Variants in ADCY8 observed in about 807,000 individuals in gnomAD.
ADCY8 encodes adenylate cyclase type 8.
Under a neutral mutation model 119.7 loss-of-function variants are expected in ADCY8, and 51 were observed. The ratio of observed to expected loss-of-function variants is 0.43; its 90% CI spans 0.34 to 0.54. ADCY8 has a LOEUF of 0.54. ADCY8 is among the 20% of genes least tolerant of loss of function. ADCY8 has a pLI of 0.03. For synonymous variants in ADCY8, 665 were observed against 651.0 expected (o/e 1.02, Z -0.33); for missense variants, 1,383 against 1,598.8 (o/e 0.87, Z 2.30).
At chr8:130,907,922 G>A (rs1243552818) in intron 6 of ADCY8, among the ~76,000 whole-genome samples, 1 of 152,110 alleles carries the variant, frequency 6.6e-6, no homozygotes, top group Non-Finnish European at 1.5e-5. Flanking sequence ...GCAGGCCCCA[G>A]TGTCTATTCT....
At chr8:130,983,754 G>C (rs1822310775) in intron 2 of ADCY8, among the ~76,000 whole-genome samples, 1 of 152,156 alleles carries the variant, frequency 6.6e-6, no homozygotes, top group African/African-American at 2.4e-5. Flanking sequence ...ATCCTGACAG[G>C]TGTAATACTC....
intron 1 of ADCY8, among the ~76,000 whole-genome samples, chr8:131,000,696 C>T (rs910566873): frequency 5.3e-5 from 8 of 152,094 alleles, no homozygotes; most frequent in African/African-American, 1.9e-4. Context: ...CTGTGCTCAC[C>T]AACCCCATGG....
chr8:130,791,752 T>A (rs1815432413), intron 15 of ADCY8, among the ~76,000 whole-genome samples: 1 of 152,142 alleles, frequency 6.6e-6, no homozygotes, highest in Non-Finnish European at 1.5e-5. Flanking sequence ...GGGGAGGAAC[T>A]CTCAGTGCTC....
At chr8:130,919,740 C>A (rs1422908690) in intron 5 of ADCY8, among the ~76,000 whole-genome samples, 6 of 152,138 alleles carry the variant, frequency 3.9e-5, no homozygotes. Flanking sequence ...CTCCTAGGGG[C>A]AGCTGAGACC....
intron 8 of ADCY8, among the ~76,000 whole-genome samples, chr8:130,871,807 C>T (rs1818368898): frequency 6.6e-6 from 1 of 152,112 alleles, no homozygotes; most frequent in Non-Finnish European, 1.5e-5. Context: ...CATTATTCCC[C>T]TTGCTTCTTG....
intron 2 of ADCY8, among the ~76,000 whole-genome samples, chr8:130,953,319 T>A (rs1821331271): frequency 6.6e-6 from 1 of 152,242 alleles, no homozygotes; most frequent in African/African-American, 2.4e-5. Context: ...GTTCTAATCA[T>A]CACAGTTCCT....
intron 2 of ADCY8, among the ~76,000 whole-genome samples, chr8:130,968,093 T>A (rs933429616): frequency 6.6e-6 from 1 of 152,034 alleles, no homozygotes; most frequent in Non-Finnish European, 1.5e-5. Context: ...AAGAGTGGTC[T>A]GTACTAGATG....
chr8:130,817,833 T>C (rs1427163133), intron 13 of ADCY8, among the ~76,000 whole-genome samples: 2 of 152,354 alleles, frequency 1.3e-5, no homozygotes, highest in East Asian at 1.9e-4. Context: ...AGTGAGGAGA[T>C]GGTTCTCTTT....
intron 1 of ADCY8, among the ~76,000 whole-genome samples, chr8:130,993,415 G>T (rs1014860245): frequency 3.4e-4 from 51 of 152,138 alleles, no homozygotes; most frequent in African/African-American, 1.2e-3. Flanking sequence ...TAAAAAGTCA[G>T]CAAAGATAGA....
intron 7 of ADCY8, among the ~76,000 whole-genome samples, chr8:130,886,546 A>AG (rs1240928717): frequency 6.6e-5 from 10 of 152,146 alleles, no homozygotes; most frequent in Admixed American, 5.2e-4. Flanking sequence ...TTTGGTCAGA[A>AG]ATTTTTTTCA....
intron 2 of ADCY8, among the ~76,000 whole-genome samples, chr8:130,958,314 G>T (rs1172276785): frequency 6.6e-6 from 1 of 152,110 alleles, no homozygotes; most frequent in African/African-American, 2.4e-5. Context: ...AAAATTGAAT[G>T]CATAAGCAAC....
rs1823932000 is a variant in ADCY8, at chr8:131,029,568, G to A, written c.960+9806C>T. On this transcript the variant is annotated intron_variant, in intron 1 of 17. Coordinates refer to ENST00000286355, the MANE Select transcript of ADCY8 (RefSeq NM_001115.3). ...GACTCTATTTTGAGTAGATGGGCCTGATCCATTTAAAGTGTTTGATAATCG... is the reference window on the plus strand; with the variant it reads ...GACTCTATTTTGAGTAGATGGGCCTAATCCATTTAAAGTGTTTGATAATCG... Among the ~76,000 whole-genome samples, 5 of 152,306 alleles carry A rather than the reference G, an allele frequency of 3.3e-5. No homozygotes were observed. In the South Asian group the frequency reaches 1.0e-3, roughly 32 times the overall value.
intron 1 of ADCY8, among the ~76,000 whole-genome samples, chr8:131,020,766 G>T (rs1419516366): frequency 1.3e-5 from 2 of 152,024 alleles, no homozygotes; most frequent in Admixed American, 1.3e-4. Flanking sequence ...AAGCACCCTC[G>T]GGGACTACTT....
intron 1 of ADCY8, among the ~76,000 whole-genome samples, chr8:130,999,345 C>G (rs1442289236): frequency 6.6e-6 from 1 of 152,172 alleles, no homozygotes; most frequent in Non-Finnish European, 1.5e-5. Context: ...CTCGTTCCCC[C>G]AACCCCAGGA....
At chr8:131,036,350 G>A (rs142710365) in intron 1 of ADCY8, among the ~76,000 whole-genome samples, 117 of 152,188 alleles carry the variant, frequency 7.7e-4, no homozygotes, top group South Asian at 2.5e-3. Flanking sequence ...GTAAGACTGC[G>A]TTACACACAT....
intron 5 of ADCY8, among the ~76,000 whole-genome samples, chr8:130,911,617 A>T (rs1276065419): frequency 1.3e-5 from 2 of 149,066 alleles, no homozygotes. Flanking sequence ...TTAAATTTTA[A>T]ATTTGTAATC....
chr8:130,910,607 T>C (rs1466411211), intron 5 of ADCY8, among the ~76,000 whole-genome samples: 2 of 152,250 alleles, frequency 1.3e-5, no homozygotes, highest in Admixed American at 1.3e-4. Flanking sequence ...AGGGCTGAAC[T>C]GGGTCATCCG....
chr8:130,988,128 T>G (rs1036280743), intron 2 of ADCY8, among the ~76,000 whole-genome samples: 5 of 152,224 alleles, frequency 3.3e-5, no homozygotes, highest in African/African-American at 1.2e-4. Flanking sequence ...TAAAAATTAC[T>G]AATCCAGGGC....
intron 9 of ADCY8, among the ~76,000 whole-genome samples, chr8:130,854,803 G>A (rs1054959950): frequency 6.6e-5 from 7 of 106,468 alleles, no homozygotes; most frequent in Non-Finnish European, 9.2e-5. Flanking sequence ...CTTTCCCTCC[G>A]TCCCTCCCTC....
Sources: gnomAD v4.1 joint callset for allele counts (sites outside exome capture counted in the v4.1 genomes callset) on GRCh38, gnomAD v4.1.1 for gene constraint, MANE v1.5 for transcripts, NCBI Gene and HGNC (gene_info 2026-07-23, HGNC 2026-07-21) for gene names.